KCNMB2: variants seen among roughly 807,000 people sequenced by gnomAD.
KCNMB2 encodes calcium-activated potassium channel subunit beta-2.
A neutral mutation model predicts 24.5 loss-of-function variants in KCNMB2; 9 were observed. The ratio of observed to expected loss-of-function variants is 0.37; its 90% CI spans 0.22 to 0.64. The LOEUF (loss-of-function observed/expected upper bound fraction) is 0.64, where lower values mean the gene tolerates loss of function less well. Ranked by LOEUF, KCNMB2 falls within the 30% of genes least tolerant of loss-of-function variation. The pLI is 0.63. For missense variants in KCNMB2, 226 were observed against 284.3 expected, an observed-to-expected ratio of 0.79 and a Z score of 1.47; for synonymous variants, 109 against 104.4, an observed-to-expected ratio of 1.04 and a Z score of -0.27.
At chr3:178,569,507 A>G (rs1024444239) in intron 1 of KCNMB2, among the ~76,000 whole-genome samples, 4 of 152,190 alleles carry the variant, frequency 2.6e-5, no homozygotes, top group Non-Finnish European at 4.4e-5. Flanking sequence ...AGCTTCTTCC[A>G]TAAATTACTT....
intron 1 of KCNMB2, among the ~76,000 whole-genome samples, chr3:178,780,023 T>C (rs535217563): frequency 1.6e-4 from 24 of 150,744 alleles, no homozygotes; most frequent in Non-Finnish European, 3.4e-4. Flanking sequence ...CCCTAGCATC[T>C]TCTAATGGTG....
At chr3:178,538,255 C>T (rs527830344) in intron 1 of KCNMB2, among the ~76,000 whole-genome samples, 3 of 152,286 alleles carry the variant, frequency 2.0e-5, no homozygotes, top group South Asian at 2.1e-4. Context: ...CACATGTCCA[C>T]GAAATGACTG....
chr3:178,605,867 A>G (rs979420482), intron 1 of KCNMB2, among the ~76,000 whole-genome samples: 6 of 152,216 alleles, frequency 3.9e-5, no homozygotes, highest in Non-Finnish European at 5.9e-5. Flanking sequence ...AAAATCTAAG[A>G]GGGAAAATGA....
intron 1 of KCNMB2, among the ~76,000 whole-genome samples, chr3:178,780,214 G>C (rs1254917552): frequency 4.6e-5 from 7 of 152,086 alleles, no homozygotes; most frequent in Admixed American, 2.6e-4. Flanking sequence ...CTGATAGTCT[G>C]ATAGTCTTTG....
At chr3:178,587,222 A>C (rs1423018830) in intron 1 of KCNMB2, among the ~76,000 whole-genome samples, 1 of 151,976 alleles carries the variant, frequency 6.6e-6, no homozygotes, top group African/African-American at 2.4e-5. Flanking sequence ...TTTCCAATCT[A>C]CTAGGAAAAA....
intron 2 of KCNMB2, among the ~76,000 whole-genome samples, chr3:178,818,975 G>A (rs547869673): frequency 7.2e-5 from 11 of 152,252 alleles, no homozygotes; most frequent in Admixed American, 2.6e-4. Flanking sequence ...AGTTTGGTCC[G>A]TCAAAGGACT....
intron 1 of KCNMB2, among the ~76,000 whole-genome samples, chr3:178,721,708 A>G (rs1021633575): frequency 6.6e-6 from 1 of 152,214 alleles, no homozygotes; most frequent in African/African-American, 2.4e-5. Flanking sequence ...AAAGAGTTCC[A>G]GGTTTTCCAC....
intron 1 of KCNMB2, among the ~76,000 whole-genome samples, chr3:178,707,470 C>T (rs1374668329): frequency 6.6e-6 from 1 of 152,090 alleles, no homozygotes; most frequent in Admixed American, 6.6e-5. Context: ...GGATAAGAAC[C>T]TCACAGCTCC....
chr3:178,680,309 C>G (rs751792203), intron 1 of KCNMB2, among the ~76,000 whole-genome samples: 4 of 152,164 alleles, frequency 2.6e-5, no homozygotes, highest in Non-Finnish European at 4.4e-5. Flanking sequence ...CCAGAGGTCT[C>G]TTCAGGGCCT....
intron 1 of KCNMB2, among the ~76,000 whole-genome samples, chr3:178,739,705 T>C (rs1723431460): frequency 6.6e-6 from 1 of 151,988 alleles, no homozygotes; most frequent in Non-Finnish European, 1.5e-5. Flanking sequence ...AAGATGCCCA[T>C]AAAAAGAGGT....
At chr3:178,576,222 C>T (rs1203106384) in intron 1 of KCNMB2, among the ~76,000 whole-genome samples, 1 of 151,868 alleles carries the variant, frequency 6.6e-6, no homozygotes, top group African/African-American at 2.4e-5. Flanking sequence ...GGGGCGTTGC[C>T]TCACCCAGGA....
intron 1 of KCNMB2, among the ~76,000 whole-genome samples, chr3:178,652,940 G>C (rs1023832643): frequency 2.0e-5 from 3 of 152,036 alleles, no homozygotes; most frequent in African/African-American, 7.2e-5. Context: ...TGAGATTACA[G>C]GCGTGAGCCA....
intron 1 of KCNMB2, among the ~76,000 whole-genome samples, chr3:178,551,010 C>A (rs769915901): frequency 1.3e-5 from 2 of 152,140 alleles, no homozygotes; most frequent in Non-Finnish European, 1.5e-5. Flanking sequence ...AATGAAAAAG[C>A]GGGAGACCAT....
intron 2 of KCNMB2, chr3:178,824,670 G>T (rs1289225520): frequency 1.3e-5 from 2 of 152,548 alleles, no homozygotes; most frequent in South Asian, 4.1e-4. Context: ...CACCACACCC[G>T]GCCAAATCTC....
At chr3:178,825,859 G>A (rs565794610) in intron 3 of KCNMB2, 101 bp downstream of exon 3, 1 of 838,746 alleles carries the variant, frequency 1.2e-6, no homozygotes, top group Non-Finnish European at 1.9e-6. Context: ...CTTCTTTCCT[G>A]ATAAGAACTT....
rs575097808 is a variant in KCNMB2, at chr3:178,731,237, T to C, written c.-67-76106T>C. ...TAAATCATACCATTTCTATATGACT[T>C]GTACCTCAGGATACCAGAAGTTTAT... is the stretch of plus-strand genomic sequence containing the variant. On this transcript the variant is annotated intron_variant, in intron 1 of 4. Transcript: ENST00000452583. Among the ~76,000 whole-genome samples, 5 of 152,330 alleles carry C rather than the reference T, an allele frequency of 3.3e-5. No homozygotes were observed. The East Asian group carries it at 9.6e-4, about 29-fold the overall frequency.
At chr3:178,774,220 G>C (rs1712488083) in intron 1 of KCNMB2, among the ~76,000 whole-genome samples, 1 of 152,144 alleles carries the variant, frequency 6.6e-6, no homozygotes, top group South Asian at 2.1e-4. Context: ...AGTTTTAGCA[G>C]AGGAATGGGG....
At chr3:178,594,146 T>G (rs1717780336) in intron 1 of KCNMB2, among the ~76,000 whole-genome samples, 3 of 151,534 alleles carry the variant, frequency 2.0e-5, no homozygotes, top group African/African-American at 7.3e-5. Flanking sequence ...TATTAGGAGA[T>G]TAGGTGGTAG....
intron 1 of KCNMB2, among the ~76,000 whole-genome samples, chr3:178,706,577 A>G (rs936065209): frequency 6.6e-6 from 1 of 152,084 alleles, no homozygotes; most frequent in Non-Finnish European, 1.5e-5. Context: ...AGCACTACTG[A>G]GCCCTCAGGA....
Sources: allele counts gnomAD v4.1 joint callset (sites outside exome capture counted in the v4.1 genomes callset), GRCh38; gene constraint gnomAD v4.1.1; transcripts MANE v1.5; gene names NCBI Gene and HGNC (gene_info 2026-07-23, HGNC 2026-07-21).